OSBPL3: variants seen among roughly 807,000 people sequenced by gnomAD.
OSBPL3 encodes oxysterol-binding protein-related protein 3.
In OSBPL3, 65 loss-of-function variants were observed where a neutral mutation model predicts 120.1. That is an observed-to-expected ratio of 0.54 (90% CI 0.44 to 0.67). The LOEUF (loss-of-function observed/expected upper bound fraction) is 0.67. Among genes scored for constraint, OSBPL3 ranks in the 30% least tolerant of loss-of-function variants. The pLI, the probability that OSBPL3 is intolerant of heterozygous loss-of-function variation, is 0.00. For missense variants in OSBPL3, 1,004 were observed against 1,082.1 expected, an observed-to-expected ratio of 0.93 and a Z score of 1.01; for synonymous variants, 416 against 402.6, an observed-to-expected ratio of 1.03 and a Z score of -0.40.
At chr7:24,950,455 G>A (rs1265010750) in intron 1 of OSBPL3, among the ~76,000 whole-genome samples, 4 of 152,266 alleles carry the variant, frequency 2.6e-5, no homozygotes, top group Non-Finnish European at 5.9e-5. Context: ...GGGCGCGGTG[G>A]CTCACGCCTG....
chr7:24,935,838 A>C (rs917910246), intron 1 of OSBPL3, among the ~76,000 whole-genome samples: 7 of 152,102 alleles, frequency 4.6e-5, no homozygotes, highest in Non-Finnish European at 8.8e-5. Flanking sequence ...GCAGAGAAAA[A>C]GACCAAAAAA....
rs370633199 is a variant in OSBPL3 at position 24,897,364 on chromosome 7, C to T, written c.-149-4743G>A. Among the ~76,000 whole-genome samples, 629 of 131,984 alleles carry T rather than the reference C, an allele frequency of 4.8e-3. 3 individuals carry two copies. The highest frequency in any genetic ancestry group is 0.016 in the African/African-American group (559 of 34,538). 86.6% of individuals were successfully genotyped at this position (131,984 alleles called of 152,430 possible). On this transcript the variant is annotated intron_variant, in intron 1 of 22. Transcript: ENST00000313367. Reference sequence around the variant, plus strand: ...TTTTTGAGACGGAGTCTCGCTCTGTCGCCCAGGCTGGAGTGCAGTGGCGCG... The same window carrying T: ...TTTTTGAGACGGAGTCTCGCTCTGTTGCCCAGGCTGGAGTGCAGTGGCGCG...
In OSBPL3 at chr7:24,967,644, G is replaced by T. The variant is rs1469279893; in HGVS notation, c.-150+12242C>A. On this transcript the variant is annotated intron_variant, in intron 1 of 22. Transcript: ENST00000313367. This position sits in a 1 kb window ranked among gnomAD's most constrained non-coding sequence, Gnocchi z 5.6. ...GAAACTACCATTATTATTATTTTAT[G>T]GTCCTCCAATCTTTGTGACTAGTTA... 6.6e-6 allele frequency among the ~76,000 whole-genome samples: 1 copy of T among 152,084 alleles called. No individual in the cohort carries two copies. The highest frequency in any genetic ancestry group is 1.9e-4 in the East Asian group (1 of 5,196).
rs1177483415 is a variant in OSBPL3 at position 24,900,161 on chromosome 7, T to A, written c.-149-7540A>T. ...CTGACCCTACCACAGACCAACAAAATCAGGAACTGAGAGGGGGACCCTGGG... is the reference window on the plus strand; with the variant it reads ...CTGACCCTACCACAGACCAACAAAAACAGGAACTGAGAGGGGGACCCTGGG... On this transcript the variant is annotated intron_variant, in intron 1 of 22. Coordinates refer to ENST00000313367, the MANE Select transcript of OSBPL3 (RefSeq NM_015550.4). This position sits in a 1 kb window ranked among gnomAD's most constrained non-coding sequence, Gnocchi z 4.5. Among the ~76,000 whole-genome samples, 1 of 152,174 alleles carries A rather than the reference T, an allele frequency of 6.6e-6. No individual in the cohort carries two copies. The highest frequency in any genetic ancestry group is 2.4e-5 in the African/African-American group (1 of 41,438).
Position 24,959,092 on chromosome 7 carries a change from T to A in OSBPL3, c.-150+20794A>T, listed in dbSNP as rs867163541. ...TAAAAAAGAAAAGAACAAGTACAGA[T>A]GTAGAGCAACTAGAACTATCATAAA... On this transcript the variant is annotated intron_variant, in intron 1 of 22. Coordinates refer to ENST00000313367, the MANE Select transcript of OSBPL3 (RefSeq NM_015550.4). This position sits in a 1 kb window ranked among gnomAD's most constrained non-coding sequence, Gnocchi z 4.3. Among the ~76,000 whole-genome samples, 1 of 152,152 alleles carries A rather than the reference T, an allele frequency of 6.6e-6. No individual in the cohort carries two copies. Among genetic ancestry groups the A allele is most frequent in the African/African-American group, 2.4e-5 (1 of 41,448 alleles).
In OSBPL3 at chr7:24,827,227, AG is replaced by A. The variant is rs1795815197; in HGVS notation, c.1884+3540del. Among the ~76,000 whole-genome samples the A allele has an allele frequency of 6.6e-6, 1 of 152,268 alleles. No homozygotes were observed. Among genetic ancestry groups the A allele is most frequent in the Admixed American group, 6.5e-5 (1 of 15,288 alleles). ...GCTTATCAATGACACATAATGGACAAGGGCGGAGTCATGCTGTCTCCATCAA... is the reference window on the plus strand; with the variant it reads ...GCTTATCAATGACACATAATGGACAAGGCGGAGTCATGCTGTCTCCATCAA... On this transcript the variant is annotated intron_variant, in intron 16 of 22. Coordinates refer to ENST00000313367, the MANE Select transcript of OSBPL3 (RefSeq NM_015550.4). This position sits in a 1 kb window ranked among gnomAD's most constrained non-coding sequence, Gnocchi z 5.1.
Position 24,913,135 on chromosome 7 carries a change from A to C in OSBPL3, c.-149-20514T>G, listed in dbSNP as rs947406596. 6.6e-6 allele frequency among the ~76,000 whole-genome samples: 1 copy of C among 152,246 alleles called. No homozygotes were observed. The highest frequency in any genetic ancestry group is 1.5e-5 in the Non-Finnish European group (1 of 68,044). ...TGTCCCAGTTGCCAGTGAGTAGAGC[A>C]GAAACTATGTCTTTTCATCAAGTCC... On this transcript the variant is annotated intron_variant, in intron 1 of 22. Transcript: ENST00000313367. This position sits in a 1 kb window ranked among gnomAD's most constrained non-coding sequence, Gnocchi z 5.3.
At chr7:24,842,513 A>G in intron 12 of OSBPL3, 100 bp from the exon 13 acceptor site, 1 of 901,560 alleles carries the variant, frequency 1.1e-6, no homozygotes, top group Non-Finnish European at 1.7e-6. Flanking sequence ...TCACAGGCCC[A>G]TGCAAATAAG....
rs978701438 is a variant in OSBPL3 at position 24,803,414 on chromosome 7, C to CT, written c.2567+900dup. Among the ~76,000 whole-genome samples the CT allele has an allele frequency of 1.3e-5, 2 of 152,288 alleles. No individual in the cohort carries two copies. The highest frequency in any genetic ancestry group is 4.8e-5 in the African/African-American group (2 of 41,558). ...CAACAGATCCCCCACCTGCCTTGAGCTTTCTCTTCTACTCAGTTATAGGAG... is the reference window on the plus strand; with the variant it reads ...CAACAGATCCCCCACCTGCCTTGAGCTTTTCTCTTCTACTCAGTTATAGGAG... On this transcript the variant is annotated intron_variant, in intron 22 of 22. Coordinates refer to ENST00000313367, the MANE Select transcript of OSBPL3 (RefSeq NM_015550.4). This position sits in a 1 kb window ranked among gnomAD's most constrained non-coding sequence, Gnocchi z 4.2.
chr7:24,915,519 G>A (rs1445771326), intron 1 of OSBPL3, among the ~76,000 whole-genome samples: 1 of 147,098 alleles, frequency 6.8e-6, no homozygotes, highest in Admixed American at 6.7e-5. Context: ...AAGGAATATG[G>A]CACCCAAAAC....
At position 24,863,436 on chromosome 7, in the gene OSBPL3, G is replaced by A; in HGVS notation, c.777+60C>T. The A allele has an allele frequency of 6.9e-7, 1 of 1,451,722 alleles. No homozygotes were observed. The highest frequency in any genetic ancestry group is 9.7e-7 in the Non-Finnish European group (1 of 1,032,220). The allele number at this position is 1,451,722 out of a possible 1,614,324, so 89.9% of individuals were successfully genotyped here. On this transcript the variant is annotated intron_variant, in intron 8 of 22. Coordinates refer to ENST00000313367, the MANE Select transcript of OSBPL3 (RefSeq NM_015550.4). This position sits in a 1 kb window ranked among gnomAD's most constrained non-coding sequence, Gnocchi z 5.8. ...AGCATCCCACTGTTAGTGAAAGGCT[G>A]GGAGGAGAAAGGAAAGCAGAAGAGG...
At chr7:24,935,749 A>G (rs1287677327) in intron 1 of OSBPL3, among the ~76,000 whole-genome samples, 1 of 152,102 alleles carries the variant, frequency 6.6e-6, no homozygotes, top group East Asian at 1.9e-4. Flanking sequence ...GGGAACACCA[A>G]TATTTAATTT....
intron 12 of OSBPL3, among the ~76,000 whole-genome samples, chr7:24,846,104 A>C (rs746701321): frequency 2.5e-4 from 38 of 152,062 alleles, no homozygotes; most frequent in Non-Finnish European, 4.7e-4. Context: ...CATAATCTTT[A>C]TTTCTTTTAT....
At chr7:24,925,264 G>A (rs570038532) in intron 1 of OSBPL3, among the ~76,000 whole-genome samples, 1 of 152,330 alleles carries the variant, frequency 6.6e-6, no homozygotes, top group South Asian at 2.1e-4. Flanking sequence ...CATGTAGAGG[G>A]TGGGTGGTTA....
upstream of OSBPL3, among the ~76,000 whole-genome samples, chr7:24,980,475 C>G (rs1021281972): frequency 6.6e-6 from 1 of 151,992 alleles, no homozygotes; most frequent in Non-Finnish European, 1.5e-5. Flanking sequence ...GGTGGCCCAG[C>G]TCGGTGCCTG....
rs370274395 is a variant in OSBPL3, at chr7:24,917,401, C to CATACATATATATATATATATATATAT, written c.-149-24781_-149-24780insATATATATATATATATATATATGTAT. Among the ~76,000 whole-genome samples the CATACATATATATATATATATATATAT allele has an allele frequency of 6.0e-5, 6 of 100,064 alleles. No homozygotes were observed. In the East Asian group the frequency reaches 2.0e-3, roughly 34 times the overall value. The allele number at this position is 100,064 out of a possible 152,430, so 65.6% of individuals were successfully genotyped here. A position where few individuals can be genotyped will look rare whatever the true frequency, so the allele number is the denominator to read the frequency against. On this transcript the variant is annotated intron_variant, in intron 1 of 22. Transcript: ENST00000313367. ...TTGTAACATATATATATATTTGTAA[C>CATACATATATATATATATATATATAT]ATATATATATATATATATATATATA... is the stretch of plus-strand genomic sequence containing the variant.
chr7:24,812,239 G>C (rs537186687), intron 19 of OSBPL3, among the ~76,000 whole-genome samples: 1 of 150,634 alleles, frequency 6.6e-6, no homozygotes, highest in East Asian at 1.9e-4. Context: ...CCCGGGAGGC[G>C]GAAGTTGCTG....
chr7:24,950,520 A>T (rs557828241), intron 1 of OSBPL3, among the ~76,000 whole-genome samples: 75 of 152,250 alleles, frequency 4.9e-4, no homozygotes, highest in Non-Finnish European at 1.0e-3. Flanking sequence ...CAGGAGATCG[A>T]AACCATCCTG....
At chr7:24,914,059 C>T (rs1809217441) in intron 1 of OSBPL3, among the ~76,000 whole-genome samples, 1 of 152,048 alleles carries the variant, frequency 6.6e-6, no homozygotes, top group Non-Finnish European at 1.5e-5. Context: ...CTAGTTCCCA[C>T]CACAAATGGG....
Sources: allele counts gnomAD v4.1 joint callset (sites outside exome capture counted in the v4.1 genomes callset), GRCh38; gene constraint gnomAD v4.1.1; non-coding constraint Gnocchi (gnomAD v3.1); transcripts MANE v1.5; gene names NCBI Gene and HGNC (gene_info 2026-07-23, HGNC 2026-07-21).